MRC1: variants seen among roughly 807,000 people sequenced by gnomAD.
The protein encoded by MRC1 is macrophage mannose receptor 1.
In MRC1, 62 loss-of-function variants were observed where a neutral mutation model predicts 102.9. That is an observed-to-expected ratio of 0.60 (90% CI 0.49 to 0.74). The LOEUF is 0.74. Among genes scored for constraint, MRC1 ranks in the 30% least tolerant of loss-of-function variants. The probability of loss-of-function intolerance (pLI) is 0.00; values close to 1 mark genes in which losing one functional copy is unlikely to be tolerated. For missense variants in MRC1, 1,237 were observed against 862.8 expected, an observed-to-expected ratio of 1.43 and a Z score of -5.43; for synonymous variants, 457 against 298.4, an observed-to-expected ratio of 1.53 and a Z score of -5.48.
chr10:17,910,669 TA>T lies in MRC1; in HGVS notation c.*205del, dbSNP rs1431251614. 1.6e-6 allele frequency: 1 copy of T among 615,448 alleles called. No homozygotes were observed. The highest frequency in any genetic ancestry group is 1.9e-5 in the African/African-American group (1 of 54,016). 38.1% of individuals were successfully genotyped at this position (615,448 alleles called of 1,614,324 possible). A position where few individuals can be genotyped will look rare whatever the true frequency, so the allele number is the denominator to read the frequency against. ...ATAAAAGAGGGATAACAATGCTGAT[TA>T]CTACCTTTTAAAATATTTTAGATAA... On this transcript the variant is annotated 3_prime_UTR_variant, in exon 30 of 30. Transcript: ENST00000569591.
chr10:17,888,729 T>C lies in MRC1; in HGVS notation c.3147+3294T>C, dbSNP rs998305005. The stretch of plus-strand genomic sequence containing the variant: ...GTTTCATGTGATCTTGAGAAGAATG[T>C]ATATTCTACTATTATTGGAAGAAGT... On this transcript the variant is annotated intron_variant, in intron 22 of 29. Coordinates refer to ENST00000569591, the MANE Select transcript of MRC1 (RefSeq NM_002438.4). Among the ~76,000 whole-genome samples, 3 of 152,326 alleles carry C rather than the reference T, an allele frequency of 2.0e-5. No individual in the cohort carries two copies. The East Asian group carries it at 5.8e-4, about 29-fold the overall frequency.
At chr10:17,815,422 T>C (rs1329660895) in intron 1 of MRC1, among the ~76,000 whole-genome samples, 1 of 152,176 alleles carries the variant, frequency 6.6e-6, no homozygotes, top group Non-Finnish European at 1.5e-5. Context: ...TTATTTATCT[T>C]AAGGGGGATC....
At chr10:17,907,835 T>C (rs374660322) in intron 28 of MRC1, 137 bp downstream of exon 28, 248,465 of 711,140 alleles carry the variant, frequency 0.35, 44,219 homozygotes, top group East Asian at 0.42. Context: ...AAATCCATTC[T>C]GCCGTTGTAG....
chr10:17,838,723 C>T (rs1263663128), intron 4 of MRC1, among the ~76,000 whole-genome samples: 6 of 152,138 alleles, frequency 3.9e-5, no homozygotes, highest in Non-Finnish European at 8.8e-5. Context: ...CCTGTAACCC[C>T]AGAGCCTTGG....
chr10:17,907,308 A>G (rs1350364249), intron 27 of MRC1, among the ~76,000 whole-genome samples: 1 of 152,240 alleles, frequency 6.6e-6, no homozygotes, highest in African/African-American at 2.4e-5. Context: ...TATTTGTACT[A>G]ATTAGAAATA....
In MRC1 at chr10:17,833,820, T is replaced by G; in HGVS notation, c.783T>G (p.His261Gln). Residue 261 changes from histidine (H) to glutamine (Q), a missense_variant, in exon 4 of 30, where the codon CAT becomes CAG. By Grantham distance (24) the His-to-Gln change is conservative (BLOSUM62 0). Transcript: ENST00000569591. Reference protein sequence around the residue: ...NAELLSITEIHEQTYLTGLTS... With the variant: ...NAELLSITEIQEQTYLTGLTS... ...AGCTCCTGAGCATCACAGAGATTCA[T>G]GAGCAAACATACCTGACAGGTAAGG... The G allele has an allele frequency of 1.3e-6, 1 of 781,044 alleles. No individual in the cohort carries two copies. Among genetic ancestry groups the G allele is most frequent in the Non-Finnish European group, 2.4e-6 (1 of 418,126 alleles). The allele number at this position is 781,044 out of a possible 1,614,324, so 48.4% of individuals were successfully genotyped here.
intron 24 of MRC1, among the ~76,000 whole-genome samples, chr10:17,898,774 C>G (rs1819342187): frequency 6.6e-6 from 1 of 152,110 alleles, no homozygotes; most frequent in Non-Finnish European, 1.5e-5. Flanking sequence ...CTAAGGTTGG[C>G]AAAGACTAGG....
At chr10:17,879,642 C>A in intron 18 of MRC1, 79 bp from the exon 19 acceptor site, 1 of 780,496 alleles carries the variant, frequency 1.3e-6, no homozygotes, top group South Asian at 1.3e-5. Context: ...GGATTACAGG[C>A]GTGAGCCACT....
At chr10:17,827,399 AAAAAAAAAAAAGAAAT>A in intron 2 of MRC1, 127 bp from the exon 3 acceptor site, 3 of 301,928 alleles carry the variant, frequency 9.9e-6, no homozygotes, top group Non-Finnish European at 1.9e-5. Flanking sequence ...AAAAAAAAAA[AAAAAAAAAAAAGAAAT>A]CCCTCTGTGG....
intron 2 of MRC1, among the ~76,000 whole-genome samples, chr10:17,826,264 G>A (rs1013980649): frequency 6.6e-6 from 1 of 152,014 alleles, no homozygotes; most frequent in African/African-American, 2.4e-5. Flanking sequence ...GTACAGTGGC[G>A]TGATCTCGGC....
intron 10 of MRC1, among the ~76,000 whole-genome samples, 193 bp from the exon 11 acceptor site, chr10:17,863,340 TC>T (rs1833213065): frequency 6.6e-6 from 1 of 152,188 alleles, no homozygotes. Context: ...ATGGTATTTT[TC>T]CATCATAAGC....
intron 4 of MRC1, among the ~76,000 whole-genome samples, chr10:17,836,251 C>T (rs1164976895): frequency 5.3e-5 from 8 of 152,050 alleles, no homozygotes; most frequent in African/African-American, 1.2e-4. Context: ...TTAAGGAGAC[C>T]GAGGATAGAA....
At chr10:17,849,981 T>A (rs1838889301) in intron 7 of MRC1, among the ~76,000 whole-genome samples, 1 of 152,192 alleles carries the variant, frequency 6.6e-6, no homozygotes, top group African/African-American at 2.4e-5. Flanking sequence ...GATAATTCAA[T>A]TTCTTTTTCT....
At chr10:17,835,734 G>A (rs1398583476) in intron 4 of MRC1, among the ~76,000 whole-genome samples, 1 of 152,182 alleles carries the variant, frequency 6.6e-6, no homozygotes, top group Admixed American at 6.5e-5. Flanking sequence ...GACAGTCATG[G>A]CAAGAAGACA....
intron 1 of MRC1, among the ~76,000 whole-genome samples, chr10:17,811,131 G>A (rs1202333008): frequency 6.6e-6 from 1 of 152,066 alleles, no homozygotes; most frequent in Non-Finnish European, 1.5e-5. Context: ...CCAGTAACTC[G>A]GAAATATTAT....
intron 18 of MRC1, among the ~76,000 whole-genome samples, chr10:17,878,395 C>T (rs1303309580): frequency 1.3e-5 from 2 of 152,158 alleles, no homozygotes; most frequent in African/African-American, 4.8e-5. Context: ...TATTTTGAAG[C>T]ACACTTTAAA....
At chr10:17,828,309 C>T (rs986512613) in intron 3 of MRC1, among the ~76,000 whole-genome samples, 1 of 151,462 alleles carries the variant, frequency 6.6e-6, no homozygotes, top group Non-Finnish European at 1.5e-5. Context: ...ATCTGCTAAC[C>T]TCGTGATCCG....
At chr10:17,892,852 G>A (rs1833698703) in intron 22 of MRC1, among the ~76,000 whole-genome samples, 1 of 151,530 alleles carries the variant, frequency 6.6e-6, no homozygotes, top group South Asian at 2.1e-4. Flanking sequence ...TCTACTAAAA[G>A]TACAAAAATT....
chr10:17,886,384 G>A (rs1040330334), intron 22 of MRC1, among the ~76,000 whole-genome samples: 2 of 130,806 alleles, frequency 1.5e-5, no homozygotes, highest in Admixed American at 8.8e-5. Flanking sequence ...CTCTTTCACT[G>A]TCCCTTTCCC....
Sources: gnomAD v4.1 joint callset for allele counts (sites outside exome capture counted in the v4.1 genomes callset) on GRCh38, gnomAD v4.1.1 for gene constraint, MANE v1.5 for transcripts, NCBI Gene and HGNC (gene_info 2026-07-23, HGNC 2026-07-21) for gene names.